The following SLC4A4 variants were observed in gnomAD, a reference collection of about 807,000 sequenced individuals.
SLC4A4 encodes the protein solute carrier family 4 member 4.
Under a neutral mutation model 111.5 loss-of-function variants are expected in SLC4A4, and 27 were observed. The observed-to-expected ratio is 0.24, with a 90% confidence interval of 0.18 to 0.33. The LOEUF (loss-of-function observed/expected upper bound fraction) is 0.33, where lower values mean the gene tolerates loss of function less well. SLC4A4 is among the 10% of genes least tolerant of loss of function. SLC4A4 has a pLI of 1.00. For synonymous variants in SLC4A4, 443 were observed against 463.4 expected (o/e 0.96, Z 0.57); for missense variants, 909 against 1,315.5 (o/e 0.69, Z 4.78).
At chr4:71,134,762 G>C (rs775315088) in intron 2 of SLC4A4, among the ~76,000 whole-genome samples, 20 of 152,178 alleles carry the variant, frequency 1.3e-4, no homozygotes, top group Admixed American at 5.2e-4. Context: ...AAGTCCACAA[G>C]GCTGTACTAG....
intron 16 of SLC4A4, among the ~76,000 whole-genome samples, chr4:71,524,057 A>T (rs1733200097): frequency 6.6e-6 from 1 of 152,120 alleles, no homozygotes; most frequent in Admixed American, 6.6e-5. Context: ...CAGGGTCTGC[A>T]CTTGCCATCT....
Position 71,451,193 on chromosome 4 carries a change from A to G in SLC4A4, c.1214A>G (p.Asn405Ser), listed in dbSNP as rs1188163464. 2.5e-6 allele frequency: 4 copies of G among 1,594,526 alleles called. No homozygotes were observed. The highest frequency in any genetic ancestry group is 1.3e-5 in the African/African-American group (1 of 74,596). The part of the protein sequence containing the change: ...KSLPSSDKRK[N>S]MYSGGENVQM... Reference sequence around the variant, plus strand: ...GGCTCTGTTGTCTTGCTTAGAAAGAATATGTACTCAGGTGGAGAGAATGTT... The same window carrying G: ...GGCTCTGTTGTCTTGCTTAGAAAGAGTATGTACTCAGGTGGAGAGAATGTT... Residue 405 changes from asparagine (N) to serine (S), a missense_variant, in exon 11 of 26, where the codon AAT becomes AGT. Coordinates refer to ENST00000264485, the MANE Select transcript of SLC4A4 (RefSeq NM_001098484.3).
intron 3 of SLC4A4, among the ~76,000 whole-genome samples, chr4:71,295,175 C>T (rs924440194): frequency 1.3e-5 from 2 of 152,138 alleles, no homozygotes; most frequent in Admixed American, 6.5e-5. Context: ...AATTTAGGAA[C>T]ATCATGGTTG....
At chr4:71,450,620 A>G in intron 10 of SLC4A4, 77 bp downstream of exon 10, 1 of 1,344,506 alleles carries the variant, frequency 7.4e-7, no homozygotes, top group Non-Finnish European at 1.0e-6. Flanking sequence ...AAAAAAAGTG[A>G]AGTCAACCTG....
chr4:71,099,335 A>G (rs1742650184), intron 2 of SLC4A4, among the ~76,000 whole-genome samples: 1 of 152,172 alleles, frequency 6.6e-6, no homozygotes. Flanking sequence ...ATTAAGCAAC[A>G]TGCTGAATGA....
chr4:71,515,819 C>A (rs1463685033), intron 16 of SLC4A4, among the ~76,000 whole-genome samples: 3 of 152,090 alleles, frequency 2.0e-5, no homozygotes, highest in Middle Eastern at 3.4e-3. Flanking sequence ...CATGGAATAT[C>A]TTTTTCCATC....
chr4:71,119,924 G>A (rs1297690891), intron 2 of SLC4A4, among the ~76,000 whole-genome samples: 1 of 152,076 alleles, frequency 6.6e-6, no homozygotes, highest in East Asian at 1.9e-4. Context: ...GGTTTGTTGA[G>A]CTTTCCATTT....
chr4:71,109,946 G>A (rs541464140), intron 2 of SLC4A4, among the ~76,000 whole-genome samples: 1 of 152,302 alleles, frequency 6.6e-6, no homozygotes, highest in East Asian at 1.9e-4. Context: ...ATGCACAACT[G>A]CCTGCCAGTG....
At chr4:71,565,836 GC>G (rs753921031) in intron 24 of SLC4A4, among the ~76,000 whole-genome samples, 6 of 151,796 alleles carry the variant, frequency 4.0e-5, no homozygotes, top group Non-Finnish European at 8.8e-5. Context: ...TACTCATGGG[GC>G]CCTTGGGATG....
chr4:71,369,536 T>A (rs1560447623), intron 6 of SLC4A4, among the ~76,000 whole-genome samples: 1 of 152,142 alleles, frequency 6.6e-6, no homozygotes, highest in Non-Finnish European at 1.5e-5. Context: ...CTGAAGGTGG[T>A]TTGAAAGCAT....
chr4:71,440,001 T>G (rs961258684), intron 7 of SLC4A4, among the ~76,000 whole-genome samples: 3 of 152,024 alleles, frequency 2.0e-5, no homozygotes, highest in African/African-American at 7.2e-5. Flanking sequence ...GCCAAGCAGC[T>G]TCTTCTCACA....
At chr4:71,427,892 G>A (rs972974931) in intron 7 of SLC4A4, among the ~76,000 whole-genome samples, 1 of 152,094 alleles carries the variant, frequency 6.6e-6, no homozygotes, top group Non-Finnish European at 1.5e-5. Flanking sequence ...AACAGACTCC[G>A]AGTAAACTTA....
At chr4:71,244,053 C>T (rs1720447998) in intron 2 of SLC4A4, among the ~76,000 whole-genome samples, 1 of 152,034 alleles carries the variant, frequency 6.6e-6, no homozygotes, top group African/African-American at 2.4e-5. Flanking sequence ...CACTACCCAA[C>T]CCCCAATTGA....
chr4:71,321,597 C>T (rs1317202831), intron 3 of SLC4A4, among the ~76,000 whole-genome samples: 1 of 151,866 alleles, frequency 6.6e-6, no homozygotes, highest in Non-Finnish European at 1.5e-5. Flanking sequence ...GGTGAGAAAT[C>T]CACCATCAAG....
chr4:71,539,832 C>T (rs966063289), intron 18 of SLC4A4, among the ~76,000 whole-genome samples: 2 of 152,132 alleles, frequency 1.3e-5, no homozygotes, highest in Non-Finnish European at 2.9e-5. Context: ...ATGGTAGACT[C>T]AATAAATACA....
chr4:71,466,979 G>GAGAGAGAGAGAGA (rs1363275518), intron 13 of SLC4A4, among the ~76,000 whole-genome samples: 129 of 145,890 alleles, frequency 8.8e-4, no homozygotes, highest in East Asian at 5.8e-3. Context: ...GAGAGAGAGA[G>GAGAGAGAGAGAGA]GTCTGAGTAT....
chr4:71,481,560 C>T (rs1211386295), intron 14 of SLC4A4, among the ~76,000 whole-genome samples: 1 of 151,710 alleles, frequency 6.6e-6, no homozygotes, highest in Non-Finnish European at 1.5e-5. Context: ...CTAAATCTCT[C>T]ATTAAACATG....
At chr4:71,095,153 CTCTT>C (rs1742504966) in intron 2 of SLC4A4, among the ~76,000 whole-genome samples, 1 of 152,204 alleles carries the variant, frequency 6.6e-6, no homozygotes, top group African/African-American at 2.4e-5. Context: ...AAACTTGAAT[CTCTT>C]TCCCTACTTC....
intron 3 of SLC4A4, among the ~76,000 whole-genome samples, chr4:71,265,767 A>G (rs1319438292): frequency 6.6e-6 from 1 of 152,014 alleles, no homozygotes; most frequent in Non-Finnish European, 1.5e-5. Context: ...TTATGTTATC[A>G]TTACCTCTTT....
Sources: gnomAD v4.1 joint callset for allele counts (sites outside exome capture counted in the v4.1 genomes callset) on GRCh38, gnomAD v4.1.1 for gene constraint, MANE v1.5 for transcripts, NCBI Gene and HGNC (gene_info 2026-07-23, HGNC 2026-07-21) for gene names.